The following DECR1 variants were observed in gnomAD, a reference collection of about 807,000 sequenced individuals.
DECR1 encodes 2,4-dienoyl-CoA reductase [(3E)-enoyl-CoA-producing], mitochondrial.
DECR1 carries 44 observed loss-of-function variants against 38.8 expected under a neutral mutation model. That is an observed-to-expected ratio of 1.13 (90% CI 0.89 to 1.46). The LOEUF is 1.46. DECR1 is among the 40% of genes most tolerant of loss of function. DECR1 has a pLI of 0.00. For synonymous variants in DECR1, 148 were observed against 135.2 expected, an observed-to-expected ratio of 1.09 and a Z score of -0.66; for missense variants, 428 against 405.5, an observed-to-expected ratio of 1.06 and a Z score of -0.48.
At chr8:90,028,919 C>T (rs1416344512) in intron 5 of DECR1, among the ~76,000 whole-genome samples, 8 of 151,996 alleles carry the variant, frequency 5.3e-5, no homozygotes, top group East Asian at 1.9e-4. Flanking sequence ...TGGAAACTGA[C>T]GTACAATCTT....
In DECR1 at chr8:90,020,991, T is replaced by C. The variant is rs777957430; in HGVS notation, c.500T>C (p.Ile167Thr). ...SPNAWKTITD[I>T]VLNGTAFVTL... ...AATGCTTGGAAAACCATAACTGACA[T>C]AGTTCTAAATGGCACAGCCTTCGTG... Residue 167 changes from isoleucine to threonine, a missense_variant, in exon 5 of 10, where the codon ATA (isoleucine) becomes ACA (threonine). By Grantham distance (89) the Ile-to-Thr change is moderately conservative (BLOSUM62 -1). Transcript: ENST00000220764. The C allele has an allele frequency of 2.5e-6, 4 of 1,596,990 alleles. No individual in the cohort carries two copies. Among genetic ancestry groups the C allele is most frequent in the Non-Finnish European group, 3.4e-6 (4 of 1,173,728 alleles).
At chr8:90,029,392 A>C (rs982847500) in intron 5 of DECR1, 4 of 152,212 alleles carry the variant, frequency 2.6e-5, no homozygotes, top group African/African-American at 9.6e-5. Flanking sequence ...AAAACTAAGA[A>C]GTAGAAGCAA....
At chr8:90,045,052 G>A in intron 8 of DECR1, 57 bp downstream of exon 8, 1 of 1,582,224 alleles carries the variant, frequency 6.3e-7, no homozygotes, top group Admixed American at 1.7e-5. Flanking sequence ...GGGGCAGGGA[G>A]GTCTGTTGTG....
chr8:90,020,964 C>G lies in DECR1; in HGVS notation c.473C>G (p.Pro158Arg). 1 of 1,594,698 alleles carries G rather than the reference C, an allele frequency of 6.3e-7. No homozygotes were observed. The highest frequency in any genetic ancestry group is 8.5e-7 in the Non-Finnish European group (1 of 1,172,384). The part of the protein sequence containing the change: ...NFISPTERLS[P>R]NAWKTITDIV... ...ATTTCTCCTACTGAAAGACTTTCTC[C>G]TAATGCTTGGAAAACCATAACTGAC... is the stretch of plus-strand genomic sequence containing the variant. The change falls in exon 5 of 10, where the codon CCT becomes CGT. Residue 158 changes from proline to arginine, a missense_variant. By Grantham distance (103) the Pro-to-Arg change is moderately radical. Coordinates refer to ENST00000220764, the MANE Select transcript of DECR1 (RefSeq NM_001359.2).
chr8:90,013,412 T>TG (rs1812934507), intron 1 of DECR1, among the ~76,000 whole-genome samples: 1 of 147,676 alleles, frequency 6.8e-6, no homozygotes, highest in Non-Finnish European at 1.5e-5. Context: ...TTTTTTTTTT[T>TG]TTTTTTTTTT....
At chr8:90,015,565 C>A in intron 1 of DECR1, 3 of 438,552 alleles carry the variant, frequency 6.8e-6, no homozygotes, top group Non-Finnish European at 9.3e-6. Flanking sequence ...CCTTCTAAAT[C>A]ATTGACCACA....
chr8:90,005,936 C>T (rs188122016), intron 1 of DECR1: 16 of 441,756 alleles, frequency 3.6e-5, no homozygotes, highest in Admixed American at 1.1e-4. Flanking sequence ...TGGGAGGTGC[C>T]GGCAAGAGAG....
chr8:90,051,819 G>T lies in DECR1; in HGVS notation c.949-19G>T, dbSNP rs1357760444. 6.2e-7 allele frequency: 1 copy of T among 1,613,476 alleles called. No homozygotes were observed. Among genetic ancestry groups the T allele is most frequent in the East Asian group, 2.2e-5 (1 of 44,814 alleles). On this transcript the variant is annotated intron_variant, in intron 9 of 9. Coordinates refer to ENST00000220764, the MANE Select transcript of DECR1 (RefSeq NM_001359.2). ...AAACATGTAAAAAGGACATTAAATT[G>T]ACATCTTTTTTGTGTTAGGTCACCA...
intron 1 of DECR1, among the ~76,000 whole-genome samples, chr8:90,012,044 C>T (rs969087306): frequency 9.2e-5 from 14 of 151,598 alleles, no homozygotes; most frequent in African/African-American, 2.9e-4. Context: ...TAAATATGGT[C>T]GTATATTTGT....
chr8:90,047,107 CA>C (rs1045260729), intron 8 of DECR1, among the ~76,000 whole-genome samples: 3 of 151,964 alleles, frequency 2.0e-5, no homozygotes, highest in African/African-American at 7.3e-5. Context: ...ATCAATGCTA[CA>C]AAAAAACTGC....
chr8:90,017,348 T>G, intron 2 of DECR1, 22 bp downstream of exon 2: 1 of 1,594,848 alleles, frequency 6.3e-7, no homozygotes. Context: ...ACATCAAGCC[T>G]ATTGGCGACG....
intron 5 of DECR1, among the ~76,000 whole-genome samples, chr8:90,024,139 C>G (rs1210106182): frequency 6.6e-6 from 1 of 152,132 alleles, no homozygotes; most frequent in Non-Finnish European, 1.5e-5. Context: ...TGGGTTGGTT[C>G]CAAGTCTTTG....
At chr8:90,011,188 TCA>T (rs1331329793) in intron 1 of DECR1, among the ~76,000 whole-genome samples, 1 of 152,220 alleles carries the variant, frequency 6.6e-6, no homozygotes, top group East Asian at 1.9e-4. Flanking sequence ...ACATAGTGTC[TCA>T]CATTGTTGGT....
Position 90,017,278 on chromosome 8 carries a change from T to G in DECR1, c.224T>G (p.Met75Arg), listed in dbSNP as rs1268679459. ...TGGGTGLGKG[M>R]TTLLSSLGAQ... The stretch of plus-strand genomic sequence containing the variant: ...GGAGGTACTGGCCTTGGTAAAGGAA[T>G]GACAACTCTTCTGTCCAGCCTAGGT... The change falls in exon 2 of 10, where the codon ATG becomes AGG. Residue 75 changes from methionine to arginine, a missense_variant. Met to Arg is a moderately conservative substitution (Grantham distance 91). Transcript: ENST00000220764. 2 of 1,614,210 alleles carry G rather than the reference T, an allele frequency of 1.2e-6. No individual in the cohort carries two copies. The highest frequency in any genetic ancestry group is 1.7e-5 in the Admixed American group (1 of 60,026).
intron 5 of DECR1, among the ~76,000 whole-genome samples, chr8:90,031,274 C>T (rs149918875): frequency 1.3e-5 from 2 of 152,104 alleles, no homozygotes; most frequent in East Asian, 3.9e-4. Context: ...GAATAGTTCC[C>T]GGGGCAGACT....
chr8:90,029,830 C>T (rs539698062), intron 5 of DECR1, among the ~76,000 whole-genome samples: 4 of 152,200 alleles, frequency 2.6e-5, no homozygotes, highest in African/African-American at 7.2e-5. Flanking sequence ...TCTATACTAG[C>T]CCGTTTGACT....
intron 1 of DECR1, among the ~76,000 whole-genome samples, chr8:90,010,274 A>G (rs910115968): frequency 2.0e-5 from 3 of 152,176 alleles, no homozygotes; most frequent in African/African-American, 7.2e-5. Context: ...AGTTATTTTA[A>G]TGTCTGCAGG....
intron 7 of DECR1, among the ~76,000 whole-genome samples, chr8:90,043,121 C>T (rs902379473): frequency 6.6e-6 from 1 of 152,038 alleles, no homozygotes; most frequent in African/African-American, 2.4e-5. Flanking sequence ...ACTTTCATGA[C>T]ATTTTAAAGG....
intron 6 of DECR1, among the ~76,000 whole-genome samples, chr8:90,037,319 C>T (rs1813639873): frequency 6.6e-6 from 1 of 152,148 alleles, no homozygotes; most frequent in Admixed American, 6.6e-5. Context: ...TTTATCAGTG[C>T]CATCCCTAAC....
Sources: gnomAD v4.1 joint callset for allele counts (sites outside exome capture counted in the v4.1 genomes callset) on GRCh38, gnomAD v4.1.1 for gene constraint, MANE v1.5 for transcripts, NCBI Gene and HGNC (gene_info 2026-07-23, HGNC 2026-07-21) for gene names.